The following PARD3B variants were observed in gnomAD, a reference collection of about 807,000 sequenced individuals.
PARD3B encodes partitioning defective 3 homolog B.
PARD3B carries 103 observed loss-of-function variants against 130.2 expected under a neutral mutation model. The ratio of observed to expected loss-of-function variants is 0.79; its 90% CI spans 0.67 to 0.93. The LOEUF (loss-of-function observed/expected upper bound fraction) is 0.93. Ranked by LOEUF, PARD3B falls within the 40% of genes least tolerant of loss-of-function variation. PARD3B has a pLI of 0.00. For missense variants in PARD3B, 1,609 were observed against 1,499.2 expected (o/e 1.07, Z -1.21); for synonymous variants, 583 against 553.2 (o/e 1.05, Z -0.76).
chr2:205,364,317 T>A (rs1319847000), intron 18 of PARD3B, among the ~76,000 whole-genome samples: 1 of 152,178 alleles, frequency 6.6e-6, no homozygotes, highest in Non-Finnish European at 1.5e-5. Context: ...TCCTCCTCTT[T>A]TTTGTTAGTC....
intron 3 of PARD3B, among the ~76,000 whole-genome samples, chr2:204,996,413 C>G (rs1296863073): frequency 2.6e-5 from 4 of 152,128 alleles, no homozygotes; most frequent in Admixed American, 6.5e-5. Context: ...GGTCAGGGAC[C>G]CACTTGAGGA....
At chr2:205,427,528 G>C (rs2047184194) in intron 19 of PARD3B, among the ~76,000 whole-genome samples, 1 of 152,058 alleles carries the variant, frequency 6.6e-6, no homozygotes, top group Non-Finnish European at 1.5e-5. Context: ...AAAAAGCAAA[G>C]TATAGAAAAA....
chr2:205,102,322 G>A (rs1054737234), intron 4 of PARD3B, among the ~76,000 whole-genome samples: 9 of 151,974 alleles, frequency 5.9e-5, no homozygotes, highest in African/African-American at 2.2e-4. Flanking sequence ...TCATTCCTGT[G>A]TAAGAGAAAC....
rs1474684696 is a variant in PARD3B at position 205,493,695 on chromosome 2, A to C, written c.3045-6201A>C. Reference sequence around the variant, plus strand: ...AATATTCCTGTTAAAGTTACAGGCTATAAAAGCCATTTCTTTTCATTTATG... The same window carrying C: ...AATATTCCTGTTAAAGTTACAGGCTCTAAAAGCCATTTCTTTTCATTTATG... On this transcript the variant is annotated intron_variant, in intron 20 of 22. Transcript: ENST00000406610. Among the ~76,000 whole-genome samples, 3 of 151,948 alleles carry C rather than the reference A, an allele frequency of 2.0e-5. No individual in the cohort carries two copies. The East Asian group carries it at 5.8e-4, about 29-fold the overall frequency.
At chr2:205,326,176 T>C (rs774467035) in intron 18 of PARD3B, among the ~76,000 whole-genome samples, 8 of 152,146 alleles carry the variant, frequency 5.3e-5, no homozygotes, top group Non-Finnish European at 8.8e-5. Context: ...ATTAGAAAAT[T>C]ACTGTGAAAA....
In PARD3B at chr2:204,785,332, C is replaced by A. The variant is rs180958820; in HGVS notation, c.222+99050C>A. Among the ~76,000 whole-genome samples the A allele has an allele frequency of 6.4e-4, 97 of 152,264 alleles. 1 individual carries two copies. Among genetic ancestry groups the A allele is most frequent in the Non-Finnish European group, 7.6e-4 (52 of 68,032 alleles). On this transcript the variant is annotated intron_variant, in intron 2 of 22. Coordinates refer to ENST00000406610, the MANE Select transcript of PARD3B (RefSeq NM_001302769.2). ...TGTAATCTGGCACCTCTCTATCTCTCTAACATACTTTTCCCCCAGCCCCTC... is the reference window on the plus strand; with the variant it reads ...TGTAATCTGGCACCTCTCTATCTCTATAACATACTTTTCCCCCAGCCCCTC...
At chr2:204,759,520 G>A (rs2040813889) in intron 2 of PARD3B, among the ~76,000 whole-genome samples, 2 of 151,926 alleles carry the variant, frequency 1.3e-5, no homozygotes, top group Admixed American at 1.3e-4. Context: ...TGGAGATTTT[G>A]TCATATCAGT....
At chr2:204,778,748 C>T (rs1420119404) in intron 2 of PARD3B, among the ~76,000 whole-genome samples, 1 of 152,080 alleles carries the variant, frequency 6.6e-6, no homozygotes, top group Non-Finnish European at 1.5e-5. Flanking sequence ...GTCCAAGCTG[C>T]CATCTCCTGC....
At chr2:204,794,464 G>A (rs1222965661) in intron 2 of PARD3B, among the ~76,000 whole-genome samples, 1 of 152,168 alleles carries the variant, frequency 6.6e-6, no homozygotes, top group Non-Finnish European at 1.5e-5. Flanking sequence ...CCAGGATGAG[G>A]TGGAGTGGAA....
Position 205,563,220 on chromosome 2 carries a change from T to G in PARD3B, c.3260+9817T>G, listed in dbSNP as rs1035533489. The stretch of plus-strand genomic sequence containing the variant: ...TCATGTTTATTCCTAAACTAGTTGA[T>G]TGTATTTAAATAGAAAATAAAACTA... On this transcript the variant is annotated intron_variant, in intron 22 of 22. Transcript: ENST00000406610. This position sits in a 1 kb window ranked among gnomAD's most constrained non-coding sequence, Gnocchi z 4.2. Among the ~76,000 whole-genome samples the G allele has an allele frequency of 1.3e-5, 2 of 152,204 alleles. No individual in the cohort carries two copies. Among genetic ancestry groups the G allele is most frequent in the African/African-American group, 4.8e-5 (2 of 41,458 alleles).
chr2:205,389,020 GAT>G (rs1021180793), intron 18 of PARD3B, among the ~76,000 whole-genome samples: 1 of 152,214 alleles, frequency 6.6e-6, no homozygotes, highest in Non-Finnish European at 1.5e-5. Flanking sequence ...AACGAATGGA[GAT>G]CCTTGTAGGC....
intron 3 of PARD3B, among the ~76,000 whole-genome samples, chr2:205,040,944 CG>C (rs1698355984): frequency 6.6e-6 from 1 of 152,100 alleles, no homozygotes; most frequent in South Asian, 2.1e-4. Flanking sequence ...AACAGGTTAT[CG>C]TGTTAATCCC....
At position 204,689,587 on chromosome 2, in the gene PARD3B, A is replaced by G. The variant is rs556780204; in HGVS notation, c.222+3305A>G. On this transcript the variant is annotated intron_variant, in intron 2 of 22. Transcript: ENST00000406610. The surrounding 1 kb of genome is among the most constrained non-coding windows in gnomAD (Gnocchi z 5.2). ...TCTGGTTGCTAAAGGCTACCAACTT[A>G]GTTCACCCAATAGTAACAACCTAAT... Among the ~76,000 whole-genome samples the G allele has an allele frequency of 3.9e-5, 6 of 152,272 alleles. No homozygotes were observed. The highest frequency in any genetic ancestry group is 9.6e-5 in the African/African-American group (4 of 41,570).
At chr2:205,177,656 A>G (rs1208327518) in intron 13 of PARD3B, among the ~76,000 whole-genome samples, 1 of 152,206 alleles carries the variant, frequency 6.6e-6, no homozygotes, top group Non-Finnish European at 1.5e-5. Context: ...AGGTGGCTCT[A>G]GAATTAAATT....
intron 18 of PARD3B, among the ~76,000 whole-genome samples, chr2:205,376,306 G>A (rs901447354): frequency 3.9e-5 from 6 of 152,104 alleles, no homozygotes; most frequent in African/African-American, 1.4e-4. Context: ...GTAATGGGTC[G>A]GAGGATACTT....
At position 204,861,450 on chromosome 2, in the gene PARD3B, T is replaced by C. The variant is rs78774199; in HGVS notation, c.223-103702T>C. On this transcript the variant is annotated intron_variant, in intron 2 of 22. Coordinates refer to ENST00000406610, the MANE Select transcript of PARD3B (RefSeq NM_001302769.2). ...AAACCAATTCTATACATATTCTTAA[T>C]AGTTAAATCTCCTAGCTCACTGAAG... 7.1e-3 allele frequency among the ~76,000 whole-genome samples: 1,080 copies of C among 152,270 alleles called. 11 individuals are homozygous for C. Among genetic ancestry groups the C allele is most frequent in the African/African-American group, 0.025 (1,022 of 41,552 alleles).
chr2:205,480,263 C>T (rs946127807), intron 20 of PARD3B, among the ~76,000 whole-genome samples: 2 of 152,120 alleles, frequency 1.3e-5, no homozygotes, highest in Non-Finnish European at 2.9e-5. Flanking sequence ...AGGGCTTTGG[C>T]TCTAGCTGTT....
intron 21 of PARD3B, among the ~76,000 whole-genome samples, chr2:205,541,103 G>C (rs1451601240): frequency 1.3e-5 from 2 of 152,056 alleles, no homozygotes; most frequent in African/African-American, 4.8e-5. Context: ...TGTTACCCAT[G>C]CTGGTAGAGG....
At chr2:204,823,501 A>G (rs887034113) in intron 2 of PARD3B, among the ~76,000 whole-genome samples, 7 of 152,162 alleles carry the variant, frequency 4.6e-5, no homozygotes, top group African/African-American at 1.7e-4. Context: ...GGCTACATAC[A>G]TAAGTATAAT....
Sources: gnomAD v4.1 joint callset for allele counts (sites outside exome capture counted in the v4.1 genomes callset) on GRCh38, gnomAD v4.1.1 for gene constraint, Gnocchi (gnomAD v3.1) non-coding constraint, MANE v1.5 for transcripts, NCBI Gene and HGNC (gene_info 2026-07-23, HGNC 2026-07-21) for gene names.